DVL1: variants seen among roughly 807,000 people sequenced by gnomAD.
DVL1 encodes segment polarity protein dishevelled homolog DVL-1.
In DVL1, 49 loss-of-function variants were observed where a neutral mutation model predicts 65.0. That is an observed-to-expected ratio of 0.75 (90% CI 0.60 to 0.96). The LOEUF (loss-of-function observed/expected upper bound fraction) is 0.96. Among genes scored for constraint, DVL1 ranks in the 40% least tolerant of loss-of-function variants. The probability of loss-of-function intolerance (pLI) is 0.00; values close to 1 mark genes in which losing one functional copy is unlikely to be tolerated. For synonymous variants in DVL1, 608 were observed against 433.9 expected, an observed-to-expected ratio of 1.40 and a Z score of -4.99; for missense variants, 1,197 against 1,045.4, an observed-to-expected ratio of 1.15 and a Z score of -2.00.
At chr1:1,338,902 G>A (rs914522900) in intron 11 of DVL1, among the ~76,000 whole-genome samples, 1 of 152,208 alleles carries the variant, frequency 6.6e-6, no homozygotes, top group African/African-American at 2.4e-5. Context: ...AAACTGGGCT[G>A]ACACCCCACC....
At chr1:1,338,744 C>A in intron 11 of DVL1, 91 bp from the exon 12 acceptor site, 1 of 1,506,624 alleles carries the variant, frequency 6.6e-7, no homozygotes, top group Non-Finnish European at 8.8e-7. Flanking sequence ...CTGGGCAGAG[C>A]CTGCGCCAGG....
At chr1:1,337,633 C>A in intron 14 of DVL1, 1 of 463,192 alleles carries the variant, frequency 2.2e-6, no homozygotes, top group African/African-American at 2.0e-5. Context: ...GCACAGCCGC[C>A]CAGGCCGCCA....
At chr1:1,341,934 G>GCT (rs1482869986) in intron 4 of DVL1, 119 bp downstream of exon 4, 639 of 1,457,716 alleles carry the variant, frequency 4.4e-4, no homozygotes, top group Non-Finnish European at 5.4e-4. Flanking sequence ...CGCTGGGCCT[G>GCT]TGCCTCCACC....
Position 1,339,805 on chromosome 1 carries a change from T to TCATTCAC in DVL1, c.910_916dup (p.Asp306GlyfsTer3). The stretch of plus-strand genomic sequence containing the variant: ...ATTGCTCATGTTCTCAAAGTTCACG[T>TCATTCAC]CATTCACCTGCAGGGGTGGGGATTA... On this transcript the variant is annotated stop_gained and frameshift_variant, in exon 9 of 15. Transcript: ENST00000378888. LOFTEE classifies it high-confidence loss of function. The TCATTCAC allele has an allele frequency of 6.2e-7, 1 of 1,610,074 alleles. No individual in the cohort carries two copies. Among genetic ancestry groups the TCATTCAC allele is most frequent in the East Asian group, 2.2e-5 (1 of 44,844 alleles).
rs768365981 is a variant in DVL1 at position 1,337,884 on chromosome 1, C to T, written c.1714+93G>A. The T allele has an allele frequency of 1.2e-5, 9 of 744,092 alleles. No individual in the cohort carries two copies. The East Asian group carries it at 1.9e-4, about 16-fold the overall frequency. The allele number at this position is 744,092 out of a possible 1,614,324, so 46.1% of individuals were successfully genotyped here. ...GGTGGAGCTGGGGGTGGAGCAGCAGCGGGGTGGGGTGGAACTGGGGGCGGA... is the reference window on the plus strand; with the variant it reads ...GGTGGAGCTGGGGGTGGAGCAGCAGTGGGGTGGGGTGGAACTGGGGGCGGA... On this transcript the variant is annotated intron_variant, in intron 14 of 14. Transcript: ENST00000378888.
chr1:1,347,186 ACAGCCCAGCC>A (rs572518427), intron 1 of DVL1, among the ~76,000 whole-genome samples: 1 of 151,540 alleles, frequency 6.6e-6, no homozygotes, highest in South Asian at 2.1e-4. Flanking sequence ...TCCAACCCCC[ACAGCCCAGCC>A]CAGCCCAGCC....
chr1:1,336,821 C>T (rs1270663712), intron 14 of DVL1, among the ~76,000 whole-genome samples: 3 of 152,144 alleles, frequency 2.0e-5, no homozygotes, highest in Non-Finnish European at 2.9e-5. Flanking sequence ...GAGGTGCCAG[C>T]GAGGGCCCCT....
chr1:1,342,430 G>T lies in DVL1; in HGVS notation c.295C>A (p.His99Asn). Residue 99 changes from histidine to asparagine, a missense_variant, in exon 3 of 15, where the codon CAC becomes AAC. Physicochemically the swap from His to Asn is moderately conservative, Grantham distance 68 (BLOSUM62 1). Coordinates refer to ENST00000378888, the MANE Select transcript of DVL1 (RefSeq NM_001330311.2). ...TCAAGAGGCGGGGGCAGGTCTGTGTGGCTGTCCGTGCCCTGGGACCCCGCA... is the reference window on the plus strand; with the variant it reads ...TCAAGAGGCGGGGGCAGGTCTGTGTTGCTGTCCGTGCCCTGGGACCCCGCA... ...SDAGSQGTDSHTDLPPPLERT... is the reference protein window; with the variant it reads ...SDAGSQGTDSNTDLPPPLERT... The T allele has an allele frequency of 6.3e-7, 1 of 1,599,148 alleles. No homozygotes were observed.
intron 1 of DVL1, among the ~76,000 whole-genome samples, chr1:1,343,094 C>T (rs1643873194): frequency 6.6e-6 from 1 of 152,194 alleles, no homozygotes; most frequent in Admixed American, 6.5e-5. Context: ...GCCAAAGGCT[C>T]TCAGTCCCCT....
rs774691246 is a variant in DVL1, at chr1:1,339,716, C to A, written c.986+20G>T. 3 of 1,613,034 alleles carry A rather than the reference C, an allele frequency of 1.9e-6. No homozygotes were observed. Among genetic ancestry groups the A allele is most frequent in the Non-Finnish European group, 2.5e-6 (3 of 1,179,872 alleles). On this transcript the variant is annotated intron_variant, in intron 9 of 14. Coordinates refer to ENST00000378888, the MANE Select transcript of DVL1 (RefSeq NM_001330311.2). ...ACCTCCCTGCCTGGCCCCTCCCGCT[C>A]CAGCGCCCCCAGCCCTCACCCCGTC...
chr1:1,341,766 C>G lies in DVL1; in HGVS notation c.506G>C (p.Arg169Pro), dbSNP rs771316976. Reference sequence around the variant, plus strand: ...GCTGTCTGGGGGCAGCCCCACATCCCGCCGTCGGTCTCCCCTTGGGTGCCC... The same window carrying G: ...GCTGTCTGGGGGCAGCCCCACATCCGGCCGTCGGTCTCCCCTTGGGTGCCC... ...TNGHPRGDRRRDVGLPPDSAS... is the reference protein window; with the variant it reads ...TNGHPRGDRRPDVGLPPDSAS... Residue 169 changes from arginine (R) to proline (P), a missense_variant, in exon 5 of 15, where the codon CGG becomes CCG. Coordinates refer to ENST00000378888, the MANE Select transcript of DVL1 (RefSeq NM_001330311.2). 1 of 1,603,542 alleles carries G rather than the reference C, an allele frequency of 6.2e-7. No individual in the cohort carries two copies. The highest frequency in any genetic ancestry group is 8.5e-7 in the Non-Finnish European group (1 of 1,174,700).
Sources: gnomAD v4.1 joint callset for allele counts (sites outside exome capture counted in the v4.1 genomes callset) on GRCh38, gnomAD v4.1.1 for gene constraint, MANE v1.5 for transcripts, NCBI Gene and HGNC (gene_info 2026-07-23, HGNC 2026-07-21) for gene names.